Variants in LYPD6 observed in about 807,000 individuals in gnomAD.
LYPD6 encodes the protein ly6/PLAUR domain-containing protein 6.
Under a neutral mutation model 22.7 loss-of-function variants are expected in LYPD6, and 15 were observed. That is an observed-to-expected ratio of 0.66 (90% CI 0.44 to 1.02). The LOEUF is 1.02. Ranked by LOEUF, LYPD6 falls within the 50% of genes least tolerant of loss-of-function variation. LYPD6 has a pLI of 0.00. For missense variants in LYPD6, 189 were observed against 208.4 expected (o/e 0.91, Z 0.57); for synonymous variants, 72 against 77.5 (o/e 0.93, Z 0.37).
At position 149,470,670 on chromosome 2, in the gene LYPD6, T is replaced by C. The variant is rs77362717; in HGVS notation, c.349-13T>C. On this transcript the variant is annotated splice_polypyrimidine_tract_variant and intron_variant, in intron 4 of 4. Transcript: ENST00000334166. ...CTGGCTTCTCATTATCTTTTTTTCT[T>C]CCTTTCTTTCAGGTCTGCACTTCTT... 5.0e-4 allele frequency: 796 copies of C among 1,603,828 alleles called. 1 individual carries two copies. In the African/African-American group the frequency reaches 8.6e-3, roughly 17 times the overall value.
chr2:149,466,884 T>G (rs531081208), intron 3 of LYPD6, among the ~76,000 whole-genome samples: 2 of 151,752 alleles, frequency 1.3e-5, no homozygotes, highest in Admixed American at 6.6e-5. Context: ...ATTCCTGATT[T>G]TATTGCTTTC....
At chr2:149,417,129 CAT>C (rs2105128531) in intron 1 of LYPD6, among the ~76,000 whole-genome samples, 1 of 152,254 alleles carries the variant, frequency 6.6e-6, no homozygotes, top group African/African-American at 2.4e-5. Flanking sequence ...CAGGATCACT[CAT>C]TATCACATGG....
intron 1 of LYPD6, among the ~76,000 whole-genome samples, chr2:149,353,413 A>C (rs2105060906): frequency 6.6e-6 from 1 of 152,312 alleles, no homozygotes; most frequent in African/African-American, 2.4e-5. Flanking sequence ...TTTTTAATTG[A>C]TTAGCCTTTA....
At chr2:149,366,000 G>A (rs931588935) in intron 1 of LYPD6, among the ~76,000 whole-genome samples, 4 of 152,162 alleles carry the variant, frequency 2.6e-5, no homozygotes, top group African/African-American at 4.8e-5. Context: ...ACATGACACC[G>A]ACATTACTCT....
At chr2:149,453,378 C>T (rs1328622469) in intron 3 of LYPD6, among the ~76,000 whole-genome samples, 1 of 152,104 alleles carries the variant, frequency 6.6e-6, no homozygotes, top group Non-Finnish European at 1.5e-5. Flanking sequence ...AAAGACATTC[C>T]AGTTTTTAAA....
Position 149,362,276 on chromosome 2 carries a change from C to CA in LYPD6, c.-72+31560dup, listed in dbSNP as rs570715015. 5.3e-3 allele frequency among the ~76,000 whole-genome samples: 805 copies of CA among 151,932 alleles called. 7 individuals are homozygous for CA. The highest frequency in any genetic ancestry group is 0.019 in the African/African-American group (779 of 41,406). ...AGGTTTATGGATGAGGCCTCTATGA[C>CA]AAAAAACAGATTAACAAGAGAAAAG... is the stretch of plus-strand genomic sequence containing the variant. On this transcript the variant is annotated intron_variant, in intron 1 of 4. Coordinates refer to ENST00000334166, the MANE Select transcript of LYPD6 (RefSeq NM_194317.5).
At chr2:149,475,068 T>C (rs13403145), downstream of LYPD6, among the ~76,000 whole-genome samples, 7,130 of 152,290 alleles carry the variant, frequency 0.047, 559 homozygotes, top group African/African-American at 0.16. Flanking sequence ...TAAATGTATT[T>C]CATATCCCTT....
intron 1 of LYPD6, among the ~76,000 whole-genome samples, chr2:149,415,870 G>C (rs979549089): frequency 6.6e-6 from 1 of 151,916 alleles, no homozygotes; most frequent in African/African-American, 2.4e-5. Flanking sequence ...TGTAGAGATG[G>C]GGTTTCTCTT....
intron 1 of LYPD6, among the ~76,000 whole-genome samples, chr2:149,378,367 C>G (rs1020929870): frequency 6.6e-6 from 1 of 152,180 alleles, no homozygotes; most frequent in Non-Finnish European, 1.5e-5. Flanking sequence ...GTCCACCTGC[C>G]CTGGCCTCCC....
chr2:149,341,780 G>A (rs890558535), intron 1 of LYPD6, among the ~76,000 whole-genome samples: 15 of 152,160 alleles, frequency 9.9e-5, no homozygotes, highest in African/African-American at 3.6e-4. Flanking sequence ...AGAAGAGCAA[G>A]TGAGTTAAGG....
In LYPD6 at chr2:149,470,883, C is replaced by T. The variant is rs113376181; in HGVS notation, c.*33C>T. 3.4e-5 allele frequency: 54 copies of T among 1,582,890 alleles called. No individual in the cohort carries two copies. The African/African-American group carries it at 6.7e-4, about 20-fold the overall frequency. ...GTGGCTCCATGTGTTAATAGCGATC[C>T]ATGGGGATCTCGATGGTCCACAGAC... On this transcript the variant is annotated 3_prime_UTR_variant, in exon 5 of 5. Transcript: ENST00000334166.
chr2:149,464,124 A>T, intron 3 of LYPD6: 1 of 422,888 alleles, frequency 2.4e-6, no homozygotes, highest in Non-Finnish European at 4.7e-6. Context: ...AAAAAAAAAA[A>T]AAACAGTTTA....
At chr2:149,427,195 A>T (rs1005457281) in intron 1 of LYPD6, among the ~76,000 whole-genome samples, 1 of 152,198 alleles carries the variant, frequency 6.6e-6, no homozygotes, top group Non-Finnish European at 1.5e-5. Context: ...GGTTATTTTG[A>T]ATGTAAGAAC....
At chr2:149,379,724 A>G (rs911309598) in intron 1 of LYPD6, among the ~76,000 whole-genome samples, 3 of 152,228 alleles carry the variant, frequency 2.0e-5, no homozygotes, top group Non-Finnish European at 4.4e-5. Flanking sequence ...AATCATTCAC[A>G]GCTAATAGCT....
At chr2:149,359,360 G>A (rs867471534) in intron 1 of LYPD6, among the ~76,000 whole-genome samples, 4 of 152,200 alleles carry the variant, frequency 2.6e-5, no homozygotes, top group Non-Finnish European at 2.9e-5. Flanking sequence ...AGTGTCTTTA[G>A]CTTCTCCTTT....
At chr2:149,468,927 T>A in intron 4 of LYPD6, 152 bp downstream of exon 4, 1 of 774,872 alleles carries the variant, frequency 1.3e-6, no homozygotes, top group South Asian at 1.8e-5. Context: ...CTTTCCTGTT[T>A]ACTCTAAAAG....
intron 1 of LYPD6, among the ~76,000 whole-genome samples, chr2:149,353,072 A>G (rs1396584168): frequency 6.6e-6 from 1 of 152,190 alleles, no homozygotes; most frequent in African/African-American, 2.4e-5. Flanking sequence ...TGACTCCAGC[A>G]TATTGCAGGC....
downstream of LYPD6, among the ~76,000 whole-genome samples, chr2:149,474,894 A>G (rs1346627750): frequency 2.0e-5 from 3 of 152,190 alleles, no homozygotes; most frequent in Admixed American, 1.3e-4. Flanking sequence ...TCAGCCTCCC[A>G]GGTAGCTGGG....
chr2:149,355,407 CT>C (rs1681432049), intron 1 of LYPD6, among the ~76,000 whole-genome samples: 1 of 152,208 alleles, frequency 6.6e-6, no homozygotes, highest in African/African-American at 2.4e-5. Context: ...ATTTTAAATA[CT>C]TTGTCAGAGT....
Sources: allele counts gnomAD v4.1 joint callset (sites outside exome capture counted in the v4.1 genomes callset), GRCh38; gene constraint gnomAD v4.1.1; transcripts MANE v1.5; gene names NCBI Gene and HGNC (gene_info 2026-07-23, HGNC 2026-07-21).